The following ATXN1 variants were observed in gnomAD, a reference collection of about 807,000 sequenced individuals.
ATXN1 encodes ataxin 1, also known as ataxin-1.
A neutral mutation model predicts 56.4 loss-of-function variants in ATXN1; 8 were observed. The observed-to-expected ratio is 0.14, with a 90% CI of 0.08 to 0.26. ATXN1 has a LOEUF of 0.26. ATXN1 is among the 10% of genes least tolerant of loss of function. The pLI, the probability that ATXN1 is intolerant of heterozygous loss-of-function variation, is 1.00. For missense variants in ATXN1, 987 were observed against 1,106.5 expected (o/e 0.89, Z 1.53); for synonymous variants, 514 against 494.6 (o/e 1.04, Z -0.52).
intron 3 of ATXN1, among the ~76,000 whole-genome samples, chr6:16,656,709 T>C (rs1222443308): frequency 1.3e-5 from 2 of 152,194 alleles, no homozygotes; most frequent in Non-Finnish European, 2.9e-5. Context: ...ACAATAGTCA[T>C]GCATCATTTA....
rs140522754 is a variant in ATXN1, at chr6:16,338,407, C to T, written c.-160-9937G>A. Among the ~76,000 whole-genome samples the T allele has an allele frequency of 7.8e-4, 119 of 152,266 alleles. No individual in the cohort carries two copies. In the East Asian group the frequency reaches 0.017, roughly 22 times the overall value. On this transcript the variant is annotated intron_variant, in intron 6 of 7. Coordinates refer to ENST00000436367, the MANE Select transcript of ATXN1 (RefSeq NM_001128164.2). Reference sequence around the variant, plus strand: ...ACGAGGGAGGCTAAGGCAGGAGAATCGCTTGAACCCAGGAGGCGGAGGTTG... The same window carrying T: ...ACGAGGGAGGCTAAGGCAGGAGAATTGCTTGAACCCAGGAGGCGGAGGTTG...
chr6:16,672,069 C>A (rs1758551419), intron 2 of ATXN1, among the ~76,000 whole-genome samples: 1 of 152,130 alleles, frequency 6.6e-6, no homozygotes, highest in Non-Finnish European at 1.5e-5. Context: ...CTGGGCCCCA[C>A]CCCTGACCTA....
intron 2 of ATXN1, among the ~76,000 whole-genome samples, chr6:16,687,588 G>A (rs140516480): frequency 0.016 from 2,334 of 149,480 alleles, 30 homozygotes; most frequent in Middle Eastern, 0.028. Flanking sequence ...GAATTTCGCA[G>A]GAAAAAGAAA....
chr6:16,454,467 G>A (rs537712643), intron 6 of ATXN1, among the ~76,000 whole-genome samples: 1 of 152,334 alleles, frequency 6.6e-6, no homozygotes, highest in South Asian at 2.1e-4. Context: ...GGCTGCCTGA[G>A]GGCTGAGGCA....
intron 5 of ATXN1, among the ~76,000 whole-genome samples, chr6:16,511,324 C>A (rs1348911764): frequency 6.6e-6 from 1 of 152,146 alleles, no homozygotes; most frequent in African/African-American, 2.4e-5. Flanking sequence ...ACAGCAGACA[C>A]CATGCATGGG....
intron 6 of ATXN1, among the ~76,000 whole-genome samples, chr6:16,464,782 GGGA>G (rs926687169): frequency 1.3e-5 from 2 of 151,844 alleles, no homozygotes; most frequent in Admixed American, 1.3e-4. Context: ...TTTGGGGATT[GGGA>G]GGAACAAATA....
At chr6:16,504,940 G>C (rs1760953800) in intron 5 of ATXN1, among the ~76,000 whole-genome samples, 1 of 150,732 alleles carries the variant, frequency 6.6e-6, no homozygotes, top group African/African-American at 2.5e-5. Context: ...TCAGGCTCTA[G>C]AAAATAGCAA....
chr6:16,385,725 C>CA (rs1477182110), intron 6 of ATXN1, among the ~76,000 whole-genome samples: 1 of 151,392 alleles, frequency 6.6e-6, no homozygotes, highest in Non-Finnish European at 1.5e-5. Flanking sequence ...ACAACTGAAA[C>CA]AAACACACAA....
At chr6:16,653,450 G>A (rs1225459922) in intron 3 of ATXN1, among the ~76,000 whole-genome samples, 3 of 152,248 alleles carry the variant, frequency 2.0e-5, no homozygotes, top group Non-Finnish European at 4.4e-5. Flanking sequence ...AGGCCTAACA[G>A]CTGAAAGAAA....
intron 6 of ATXN1, among the ~76,000 whole-genome samples, chr6:16,358,993 A>C (rs559778243): frequency 2.0e-5 from 3 of 152,294 alleles, no homozygotes; most frequent in Non-Finnish European, 2.9e-5. Flanking sequence ...CCTCCCAGGC[A>C]CAGGACCTGG....
rs557700762 is a variant in ATXN1 at position 16,705,458 on chromosome 6, G to A, written c.-614-47557C>T. Among the ~76,000 whole-genome samples the A allele has an allele frequency of 4.6e-5, 7 of 152,196 alleles. No individual in the cohort carries two copies. The South Asian group carries it at 6.2e-4, about 14-fold the overall frequency. On this transcript the variant is annotated intron_variant, in intron 2 of 7. Coordinates refer to ENST00000436367, the MANE Select transcript of ATXN1 (RefSeq NM_001128164.2). Reference sequence around the variant, plus strand: ...AGACCTATTTATACAAGTGCAGGCTGGGCACCTTTCCCTGAAGGTCCCACT... The same window carrying A: ...AGACCTATTTATACAAGTGCAGGCTAGGCACCTTTCCCTGAAGGTCCCACT...
At chr6:16,552,281 T>C (rs900457042) in intron 4 of ATXN1, among the ~76,000 whole-genome samples, 4 of 152,206 alleles carry the variant, frequency 2.6e-5, no homozygotes, top group Admixed American at 6.5e-5. Context: ...TCACTCTATG[T>C]CTAATGAGCA....
intron 4 of ATXN1, among the ~76,000 whole-genome samples, chr6:16,540,940 G>T (rs1288868848): frequency 1.3e-5 from 2 of 152,124 alleles, no homozygotes; most frequent in Non-Finnish European, 1.5e-5. Context: ...GACTAAACTT[G>T]TTTTGAAATA....
At chr6:16,613,511 T>C (rs1581292380) in intron 3 of ATXN1, among the ~76,000 whole-genome samples, 1 of 151,930 alleles carries the variant, frequency 6.6e-6, no homozygotes, top group African/African-American at 2.4e-5. Context: ...TATGTAATAT[T>C]TGACTGTGTT....
chr6:16,710,780 GT>G (rs1046169056), intron 2 of ATXN1, among the ~76,000 whole-genome samples: 2 of 151,814 alleles, frequency 1.3e-5, no homozygotes, highest in Non-Finnish European at 2.9e-5. Context: ...TAGAGATGGG[GT>G]TTTGCTATGC....
chr6:16,702,997 G>C (rs892257682), intron 2 of ATXN1, among the ~76,000 whole-genome samples: 23 of 152,034 alleles, frequency 1.5e-4, no homozygotes, highest in South Asian at 1.5e-3. Flanking sequence ...ACCAAAAGGA[G>C]TATAAATCAT....
intron 6 of ATXN1, among the ~76,000 whole-genome samples, chr6:16,364,897 C>T (rs1279702218): frequency 6.6e-6 from 1 of 152,122 alleles, no homozygotes; most frequent in Non-Finnish European, 1.5e-5. Context: ...GCTTCCAGTC[C>T]ACAAGGGGCT....
At chr6:16,684,100 C>A (rs1758869182) in intron 2 of ATXN1, among the ~76,000 whole-genome samples, 1 of 152,202 alleles carries the variant, frequency 6.6e-6, no homozygotes, top group Non-Finnish European at 1.5e-5. Flanking sequence ...GAAGTCATCC[C>A]CCAAACTTCA....
intron 4 of ATXN1, among the ~76,000 whole-genome samples, chr6:16,571,845 T>C (rs570707990): frequency 6.6e-6 from 1 of 152,092 alleles, no homozygotes; most frequent in Non-Finnish European, 1.5e-5. Flanking sequence ...ATTTTTTTTG[T>C]AGAGATAGGG....
Sources: gnomAD v4.1 joint callset for allele counts (sites outside exome capture counted in the v4.1 genomes callset) on GRCh38, gnomAD v4.1.1 for gene constraint, MANE v1.5 for transcripts, NCBI Gene and HGNC (gene_info 2026-07-23, HGNC 2026-07-21) for gene names.